The following MAMLD1 variants were observed in gnomAD, a reference collection of about 807,000 sequenced individuals.
The protein encoded by MAMLD1 is mastermind like domain containing 1.
Under a neutral mutation model 45.0 loss-of-function variants are expected in MAMLD1, and 14 were observed. The observed-to-expected ratio is 0.31, with a 90% CI of 0.21 to 0.49. MAMLD1 has a LOEUF of 0.49. Among genes scored for constraint, MAMLD1 ranks in the 20% least tolerant of loss-of-function variants. The probability of loss-of-function intolerance (pLI) is 0.99; values close to 1 mark genes in which losing one functional copy is unlikely to be tolerated. For missense variants in MAMLD1, 543 were observed against 603.6 expected, an observed-to-expected ratio of 0.90 and a Z score of 1.05; for synonymous variants, 254 against 247.8, an observed-to-expected ratio of 1.02 and a Z score of -0.24.
intron 1 of MAMLD1, among the ~76,000 whole-genome samples, chrX:150,418,092 A>G (rs1267959647): frequency 3.6e-5 from 4 of 111,398 alleles, no homozygotes; most frequent in Non-Finnish European, 5.7e-5. Flanking sequence ...TTGGTAGGCT[A>G]TTGATTATTG....
chrX:150,468,572 T>C (rs2036297234), intron 3 of MAMLD1, among the ~76,000 whole-genome samples: 1 of 111,608 alleles, frequency 9.0e-6, no homozygotes, highest in African/African-American at 3.3e-5. Flanking sequence ...CCCATTTACC[T>C]GCTAACATAC....
rs2036399913 is a variant in MAMLD1, at chrX:150,470,940, C to A, written c.1367C>A (p.Pro456Gln). 10 of 1,212,022 alleles carry A rather than the reference C, an allele frequency of 8.3e-6. No individual in the cohort carries two copies. The highest frequency in any genetic ancestry group is 1.0e-5 in the Non-Finnish European group (9 of 895,603). ...CCTGCCAGCAACCCTGGGCCGTCCC[C>A]ACCCTATCGCCCAGAGAAGCTCTCT... is the stretch of plus-strand genomic sequence containing the variant. ...ALPASNPGPS[P>Q]PYRPEKLSSP... The change falls in exon 4 of 8, where the codon CCA becomes CAA. Residue 456 changes from proline to glutamine, a missense_variant. By Grantham distance (76) the Pro-to-Gln change is moderately conservative. Coordinates refer to ENST00000370401, the MANE Select transcript of MAMLD1 (RefSeq NM_005491.5).
chrX:150,452,730 C>T (rs1281670324), intron 2 of MAMLD1, among the ~76,000 whole-genome samples: 2 of 104,231 alleles, frequency 1.9e-5, no homozygotes, highest in Non-Finnish European at 2.0e-5. Flanking sequence ...TTAGGTATAT[C>T]TCCCAATGCT....
At chrX:150,480,414 C>G (rs782778892) in intron 5 of MAMLD1, among the ~76,000 whole-genome samples, 4 of 112,129 alleles carry the variant, frequency 3.6e-5, no homozygotes, top group Non-Finnish European at 5.6e-5. Context: ...TTTGTTTTAT[C>G]ATGTTGTGTT....
intron 5 of MAMLD1, among the ~76,000 whole-genome samples, chrX:150,494,598 G>A (rs1245917369): frequency 9.0e-6 from 1 of 111,282 alleles, no homozygotes. Context: ...CTTAGTGGCG[G>A]GGCCGGGTAC....
intron 5 of MAMLD1, among the ~76,000 whole-genome samples, chrX:150,476,303 A>C (rs782479864): frequency 2.8e-4 from 32 of 112,544 alleles, no homozygotes; most frequent in Non-Finnish European, 5.3e-4. Flanking sequence ...TGTTTGCATC[A>C]TCTGATGTCC....
At chrX:150,497,344 C>T (rs1272441670) in intron 5 of MAMLD1, among the ~76,000 whole-genome samples, 5 of 94,708 alleles carry the variant, frequency 5.3e-5, no homozygotes, top group East Asian at 3.2e-4. Context: ...AGTGCAGTGG[C>T]GTGATCTTGG....
In MAMLD1 at chrX:150,379,710, T is replaced by C. The variant is rs2206617; in HGVS notation, c.-64+16180T>C. Among the ~76,000 whole-genome samples, 757 of 112,356 alleles carry C rather than the reference T, an allele frequency of 6.7e-3. 7 individuals carry two copies. The highest frequency in any genetic ancestry group is 0.023 in the African/African-American group (717 of 30,917). ...GTAAGTAACCAACTTCATTAGCTTTTCTGTGTTTCCTTTTGCACAAATGAA... is the reference window on the plus strand; with the variant it reads ...GTAAGTAACCAACTTCATTAGCTTTCCTGTGTTTCCTTTTGCACAAATGAA... On this transcript the variant is annotated intron_variant, in intron 1 of 7. Coordinates refer to ENST00000370401, the MANE Select transcript of MAMLD1 (RefSeq NM_005491.5).
chrX:150,504,954 A>G (rs2037680163), intron 6 of MAMLD1: 4 of 752,761 alleles, frequency 5.3e-6, no homozygotes, highest in Middle Eastern at 7.6e-4. Flanking sequence ...GAAGAAAAGC[A>G]AGCTGGAAAT....
At chrX:150,455,762 T>C (rs2035838163) in intron 2 of MAMLD1, among the ~76,000 whole-genome samples, 1 of 88,953 alleles carries the variant, frequency 1.1e-5, no homozygotes, top group Admixed American at 1.3e-4. Flanking sequence ...TGCAGAAGGT[T>C]TTCTTCTTCT....
chrX:150,486,482 C>T (rs1224319332), intron 5 of MAMLD1, among the ~76,000 whole-genome samples: 1 of 111,772 alleles, frequency 8.9e-6, no homozygotes, highest in Non-Finnish European at 1.9e-5. Context: ...ATGGGCCAAA[C>T]GAAGCTGCCT....
chrX:150,429,544 C>A (rs910408494), intron 1 of MAMLD1, among the ~76,000 whole-genome samples: 1 of 111,070 alleles, frequency 9.0e-6, no homozygotes, highest in African/African-American at 3.3e-5. Flanking sequence ...ACTCATATAA[C>A]AATAGTGCAA....
rs148153709 is a variant in MAMLD1 at position 150,478,324 on chromosome X, A to G, written c.2040+4522A>G. On this transcript the variant is annotated intron_variant, in intron 5 of 7. Coordinates refer to ENST00000370401, the MANE Select transcript of MAMLD1 (RefSeq NM_005491.5). ...TTCCTAGTCTCAGAATCACTCATTA[A>G]CATTTTCAAAAAGTAATTATTATAT... Among the ~76,000 whole-genome samples, 1,030 of 111,764 alleles carry G rather than the reference A, an allele frequency of 9.2e-3. 5 individuals carry two copies. The highest frequency in any genetic ancestry group is 0.015 in the Non-Finnish European group (778 of 53,151).
In MAMLD1 at chrX:150,503,153, C is replaced by T. The variant is rs1033694290; in HGVS notation, c.2041-121C>T. The stretch of plus-strand genomic sequence containing the variant: ...GCTGTTTGGTTTCGTTCCACCAAAG[C>T]AGTTGGTGGGTATAACCACAACACC... On this transcript the variant is annotated intron_variant, in intron 5 of 7. Transcript: ENST00000370401. 3 of 620,086 alleles carry T rather than the reference C, an allele frequency of 4.8e-6. No homozygotes were observed. The African/African-American group carries it at 6.5e-5, about 13-fold the overall frequency. The allele number at this position is 620,086 out of a possible 1,213,427, so 51.1% of individuals were successfully genotyped here. A position where few individuals can be genotyped will look rare whatever the true frequency, so the allele number is the denominator to read the frequency against.
intron 5 of MAMLD1, among the ~76,000 whole-genome samples, chrX:150,478,908 C>T (rs1422894599): frequency 8.9e-6 from 1 of 112,008 alleles, no homozygotes; most frequent in Non-Finnish European, 1.9e-5. Context: ...GATTAGACAC[C>T]GTGTAACATG....
At chrX:150,473,578 G>A in intron 4 of MAMLD1, 102 bp from the exon 5 acceptor site, 7 of 798,718 alleles carry the variant, frequency 8.8e-6, no homozygotes, top group Admixed American at 2.2e-5. Flanking sequence ...GTGGCCGGGG[G>A]AGCGGTGTGG....
intron 1 of MAMLD1, among the ~76,000 whole-genome samples, chrX:150,376,187 T>C (rs1466372134): frequency 2.7e-5 from 3 of 112,330 alleles, no homozygotes; most frequent in African/African-American, 9.7e-5. Flanking sequence ...AGTTAAACTC[T>C]AAGTTACTTA....
chrX:150,381,641 T>A (rs2124475902), intron 1 of MAMLD1, among the ~76,000 whole-genome samples: 1 of 112,521 alleles, frequency 8.9e-6, no homozygotes, highest in South Asian at 3.7e-4. Context: ...TAGCATGTGA[T>A]CTCTTGAGAT....
In MAMLD1 at chrX:150,403,968, G is replaced by GAAAGAA. The variant is rs1557402577; in HGVS notation, c.-64+40440_-64+40445dup. Among the ~76,000 whole-genome samples, 855 of 89,872 alleles carry GAAAGAA rather than the reference G, an allele frequency of 9.5e-3. 13 individuals carry two copies. Among genetic ancestry groups the GAAAGAA allele is most frequent in the African/African-American group, 0.035 (810 of 23,374 alleles). 78.0% of individuals were successfully genotyped at this position (89,872 alleles called of 115,157 possible). A position where few individuals can be genotyped will look rare whatever the true frequency, so the allele number is the denominator to read the frequency against. ...AGAAAGAAAGAAAGAAAGAAAGAAAGAAAGAAAGAAAGAAAGAAAGAAAGA... is the reference window on the plus strand; with the variant it reads ...AGAAAGAAAGAAAGAAAGAAAGAAAGAAAGAAAAAGAAAGAAAGAAAGAAAGAAAGA... On this transcript the variant is annotated intron_variant, in intron 1 of 7. Coordinates refer to ENST00000370401, the MANE Select transcript of MAMLD1 (RefSeq NM_005491.5).
Sources: allele counts gnomAD v4.1 joint callset (sites outside exome capture counted in the v4.1 genomes callset), GRCh38; gene constraint gnomAD v4.1.1; transcripts MANE v1.5; gene names NCBI Gene and HGNC (gene_info 2026-07-23, HGNC 2026-07-21).